FRYL: variants seen among roughly 807,000 people sequenced by gnomAD.
The protein encoded by FRYL is protein furry homolog-like.
A neutral mutation model predicts 351.2 loss-of-function variants in FRYL; 150 were observed. The ratio of observed to expected loss-of-function variants is 0.43; its 90% CI spans 0.37 to 0.49. FRYL has a LOEUF of 0.49. Ranked by LOEUF, FRYL falls within the 20% of genes least tolerant of loss-of-function variation. The pLI, the probability that FRYL is intolerant of heterozygous loss-of-function variation, is 0.00. For synonymous variants in FRYL, 1,153 were observed against 1,257.1 expected, an observed-to-expected ratio of 0.92 and a Z score of 1.75; for missense variants, 3,036 against 3,619.3, an observed-to-expected ratio of 0.84 and a Z score of 4.13.
intron 6 of FRYL, among the ~76,000 whole-genome samples, chr4:48,619,906 A>T (rs1422355499): frequency 6.6e-6 from 1 of 152,202 alleles, no homozygotes; most frequent in Non-Finnish European, 1.5e-5. Flanking sequence ...TTAGCATTTA[A>T]ACTTAACCTA....
intron 1 of FRYL, among the ~76,000 whole-genome samples, chr4:48,762,038 T>C (rs1253418568): frequency 6.6e-6 from 1 of 152,124 alleles, no homozygotes; most frequent in Non-Finnish European, 1.5e-5. Flanking sequence ...GAGAGCTAAC[T>C]AGCTCTCTTT....
chr4:48,655,680 T>C (rs960508826), intron 3 of FRYL, among the ~76,000 whole-genome samples: 9 of 147,256 alleles, frequency 6.1e-5, no homozygotes, highest in Admixed American at 2.7e-4. Context: ...TAATGTATTA[T>C]ATAATGTATA....
In FRYL at chr4:48,500,134, A is replaced by G; in HGVS notation, c.8679T>C (p.Ile2893=). 1 of 1,603,414 alleles carries G rather than the reference A, an allele frequency of 6.2e-7. No individual in the cohort carries two copies. The highest frequency in any genetic ancestry group is 8.5e-7 in the Non-Finnish European group (1 of 1,177,536). Residue 2893 remains isoleucine (I), a synonymous_variant, in exon 63 of 64, where the codon ATT becomes ATC. Coordinates refer to ENST00000358350, the MANE Select transcript of FRYL (RefSeq NM_015030.2). ...ESASENEEID[I]SKAAQTTIET... is the part of the protein sequence containing the mutation. Reference sequence around the variant, plus strand: ...CTATAGTAGTTTGTGCAGCTTTGGAAATGTCAATTTCTTCGTTTTCGGAAG... The same window carrying G: ...CTATAGTAGTTTGTGCAGCTTTGGAGATGTCAATTTCTTCGTTTTCGGAAG...
chr4:48,569,255 C>T (rs1316181524), intron 27 of FRYL, among the ~76,000 whole-genome samples: 2 of 152,166 alleles, frequency 1.3e-5, no homozygotes, highest in Non-Finnish European at 2.9e-5. Flanking sequence ...CTTTTCCTAA[C>T]TTTAACTCTT....
intron 35 of FRYL, among the ~76,000 whole-genome samples, chr4:48,554,804 C>T (rs1418918893): frequency 2.6e-5 from 4 of 152,150 alleles, no homozygotes; most frequent in Admixed American, 6.5e-5. Context: ...TGTGGATCTC[C>T]GAGTTGACAC....
Position 48,501,648 on chromosome 4 carries a change from A to G in FRYL, c.8567T>C (p.Val2856Ala), listed in dbSNP as rs1560495655. ...CTCTGCTTCATTTTTTATCGTATTT[A>G]CTTGGTTGATAAGTTTACAGTAGGC... is the stretch of plus-strand genomic sequence containing the variant. ...FQAYCKLINQVNTIKNEAEVI... is the reference protein window; with the variant it reads ...FQAYCKLINQANTIKNEAEVI... Residue 2856 changes from valine to alanine, a missense_variant, in exon 62 of 64, where the codon GTA becomes GCA. Val to Ala is a moderately conservative substitution (Grantham distance 64, BLOSUM62 0). Coordinates refer to ENST00000358350, the MANE Select transcript of FRYL (RefSeq NM_015030.2). 1 of 1,599,280 alleles carries G rather than the reference A, an allele frequency of 6.3e-7. No individual in the cohort carries two copies. The highest frequency in any genetic ancestry group is 8.6e-7 in the Non-Finnish European group (1 of 1,167,018).
chr4:48,724,485 A>T (rs1431276615), intron 1 of FRYL, among the ~76,000 whole-genome samples: 1 of 152,130 alleles, frequency 6.6e-6, no homozygotes, highest in Non-Finnish European at 1.5e-5. Context: ...TCACTCTCTA[A>T]GCAAACTTAA....
chr4:48,722,488 A>G (rs1769596887), intron 1 of FRYL, among the ~76,000 whole-genome samples: 1 of 150,916 alleles, frequency 6.6e-6, no homozygotes, highest in African/African-American at 2.5e-5. Flanking sequence ...TACCTCTACA[A>G]TTAGAGAAAT....
intron 49 of FRYL, among the ~76,000 whole-genome samples, chr4:48,531,948 A>G (rs1347815666): frequency 2.0e-5 from 3 of 151,608 alleles, no homozygotes; most frequent in Admixed American, 2.0e-4. Flanking sequence ...TATTTTGGCT[A>G]TTTTAAAAAA....
chr4:48,534,524 G>A (rs754481386), intron 49 of FRYL, 21 bp downstream of exon 49: 2 of 1,574,754 alleles, frequency 1.3e-6, no homozygotes, highest in African/African-American at 2.7e-5. Flanking sequence ...AATGTTATAT[G>A]TAAGTTTTGT....
intron 3 of FRYL, among the ~76,000 whole-genome samples, chr4:48,673,574 A>C (rs1272928650): frequency 6.6e-6 from 1 of 152,222 alleles, no homozygotes; most frequent in Non-Finnish European, 1.5e-5. Flanking sequence ...CTTTTAAAAA[A>C]AAAATACTGT....
chr4:48,559,123 T>TTATTGGCATTA (rs1319399713), intron 33 of FRYL, among the ~76,000 whole-genome samples: 2 of 152,192 alleles, frequency 1.3e-5, no homozygotes, highest in Non-Finnish European at 2.9e-5. Context: ...CCTCATGAAG[T>TTATTGGCATTA]TATTGTGCAA....
chr4:48,683,831 C>T (rs776213453), intron 3 of FRYL, among the ~76,000 whole-genome samples: 1 of 152,176 alleles, frequency 6.6e-6, no homozygotes. Context: ...AAACTGCATG[C>T]CTTAATATGC....
chr4:48,511,320 C>G (rs1722427427), intron 57 of FRYL, among the ~76,000 whole-genome samples: 1 of 152,070 alleles, frequency 6.6e-6, no homozygotes, highest in Non-Finnish European at 1.5e-5. Context: ...GGAAGTTGTT[C>G]ATCAAAAGTT....
chr4:48,542,662 C>T (rs1478758333), intron 44 of FRYL, among the ~76,000 whole-genome samples: 2 of 152,164 alleles, frequency 1.3e-5, no homozygotes, highest in Admixed American at 6.5e-5. Flanking sequence ...GTGATCCACC[C>T]GTTTCAGCCT....
At chr4:48,757,082 A>G (rs182636414) in intron 1 of FRYL, among the ~76,000 whole-genome samples, 1 of 152,350 alleles carries the variant, frequency 6.6e-6, no homozygotes, top group Admixed American at 6.5e-5. Context: ...CTCTGTGCAT[A>G]TTCCAAGGTA....
At chr4:48,717,924 C>T (rs903238705) in intron 1 of FRYL, among the ~76,000 whole-genome samples, 2 of 151,586 alleles carry the variant, frequency 1.3e-5, no homozygotes, top group African/African-American at 2.4e-5. Flanking sequence ...AAACTACAGT[C>T]TATAACTTCC....
In FRYL at chr4:48,551,484, A is replaced by AAGT; in HGVS notation, c.4520+7_4520+9dup. 1 of 1,529,034 alleles carries AAGT rather than the reference A, an allele frequency of 6.5e-7. No homozygotes were observed. The highest frequency in any genetic ancestry group is 1.4e-5 in the African/African-American group (1 of 73,192). The allele number at this position is 1,529,034 out of a possible 1,614,324, so 94.7% of individuals were successfully genotyped here. On this transcript the variant is annotated intron_variant, in intron 37 of 63. Transcript: ENST00000358350. Reference sequence around the variant, plus strand: ...ACTGAAAGGCTAATACAGAACAGAGAAGTACTTACCTCTCTTCAATATTCT... The same window carrying AAGT: ...ACTGAAAGGCTAATACAGAACAGAGAAGTAGTACTTACCTCTCTTCAATATTCT...
intron 1 of FRYL, among the ~76,000 whole-genome samples, chr4:48,724,385 T>C (rs1192875387): frequency 6.6e-6 from 1 of 152,196 alleles, no homozygotes; most frequent in Admixed American, 6.5e-5. Flanking sequence ...CCCCTGGGCA[T>C]GGCTTGCTCC....
Sources: allele counts gnomAD v4.1 joint callset (sites outside exome capture counted in the v4.1 genomes callset), GRCh38; gene constraint gnomAD v4.1.1; transcripts MANE v1.5; gene names NCBI Gene and HGNC (gene_info 2026-07-23, HGNC 2026-07-21).